Variants in PTPRA observed in about 807,000 individuals in gnomAD.
PTPRA encodes receptor-type tyrosine-protein phosphatase alpha.
PTPRA carries 25 observed loss-of-function variants against 104.8 expected under a neutral mutation model. That is an observed-to-expected ratio of 0.24 (90% confidence interval 0.17 to 0.33). The LOEUF (loss-of-function observed/expected upper bound fraction) is 0.33, where lower values mean the gene tolerates loss of function less well. PTPRA is among the 10% of genes least tolerant of loss of function. PTPRA has a pLI of 1.00. For synonymous variants in PTPRA, 323 were observed against 368.9 expected (o/e 0.88, Z 1.43); for missense variants, 765 against 1,015.3 (o/e 0.75, Z 3.35).
chr20:2,990,786 A>G (rs2063138759), intron 9 of PTPRA, among the ~76,000 whole-genome samples: 1 of 152,166 alleles, frequency 6.6e-6, no homozygotes, highest in South Asian at 2.1e-4. Flanking sequence ...ACCTCACAGA[A>G]TAGGAGGTCT....
chr20:2,994,980 A>C (rs998424844), intron 9 of PTPRA, among the ~76,000 whole-genome samples: 6 of 152,080 alleles, frequency 3.9e-5, no homozygotes, highest in Non-Finnish European at 8.8e-5. Context: ...AAATACAAAA[A>C]TTAGCCGGGC....
At chr20:3,032,623 G>A (rs914791113) in intron 20 of PTPRA, among the ~76,000 whole-genome samples, 2 of 151,890 alleles carry the variant, frequency 1.3e-5, no homozygotes, top group Non-Finnish European at 2.9e-5. Context: ...AAAATTAGCT[G>A]GGCGCGATGG....
Position 3,035,912 on chromosome 20 carries a change from A to G in PTPRA, c.2169A>G (p.Ser723=), listed in dbSNP as rs1254915023. ...CCGTGCAGAAGCAGCAGCAGCAGTC[A>G]GGGAACCACCCCATCACCGTGCACT... is the stretch of plus-strand genomic sequence containing the variant. ...IAAVQKQQQQ[S]GNHPITVHCS... Residue 723 remains serine (S), a synonymous_variant, in exon 22 of 24, where the codon TCA becomes TCG. Coordinates refer to ENST00000399903, the MANE Select transcript of PTPRA (RefSeq NM_001385305.1). This position sits in a 1 kb window ranked among gnomAD's most constrained non-coding sequence, Gnocchi z 5.8. The G allele has an allele frequency of 1.2e-6, 2 of 1,613,760 alleles. No individual in the cohort carries two copies. Among genetic ancestry groups the G allele is most frequent in the African/African-American group, 1.3e-5 (1 of 74,932 alleles).
At chr20:2,976,647 C>T (rs1600201040) in intron 6 of PTPRA, among the ~76,000 whole-genome samples, 1 of 152,218 alleles carries the variant, frequency 6.6e-6, no homozygotes, top group East Asian at 1.9e-4. Flanking sequence ...TCTCAGCAGT[C>T]TCTAAAGTCC....
At chr20:2,968,694 G>A (rs769248933) in intron 5 of PTPRA, among the ~76,000 whole-genome samples, 11 of 150,214 alleles carry the variant, frequency 7.3e-5, no homozygotes, top group Admixed American at 1.3e-4. Flanking sequence ...CAGGAGGATC[G>A]CTTAAGCCCG....
intron 3 of PTPRA, among the ~76,000 whole-genome samples, chr20:2,957,905 G>A (rs545036353): frequency 1.1e-4 from 16 of 152,232 alleles, no homozygotes; most frequent in South Asian, 1.0e-3. Flanking sequence ...CCACTGAAGC[G>A]GAAATAGTGA....
At chr20:3,025,936 A>G (rs1025822026) in intron 17 of PTPRA, among the ~76,000 whole-genome samples, 4 of 149,260 alleles carry the variant, frequency 2.7e-5, no homozygotes, top group African/African-American at 9.8e-5. Context: ...GAGATTCTGC[A>G]TTTCTTTTTT....
intron 1 of PTPRA, among the ~76,000 whole-genome samples, chr20:2,902,952 A>G (rs1344884650): frequency 6.6e-6 from 1 of 152,160 alleles, no homozygotes; most frequent in Non-Finnish European, 1.5e-5. Context: ...TTCAAATCCC[A>G]TCTCTGCTAC....
chr20:2,896,739 T>G (rs73084683), intron 1 of PTPRA, among the ~76,000 whole-genome samples: 3 of 152,128 alleles, frequency 2.0e-5, no homozygotes, highest in African/African-American at 7.2e-5. Flanking sequence ...ATTATGTCTT[T>G]TATAGCAAAA....
At chr20:3,010,744 C>T (rs1168742516) in intron 11 of PTPRA, among the ~76,000 whole-genome samples, 1 of 152,226 alleles carries the variant, frequency 6.6e-6, no homozygotes, top group Non-Finnish European at 1.5e-5. Context: ...ACGGAATCCT[C>T]CCCACCACCC....
chr20:2,926,477 T>A (rs947319529), intron 2 of PTPRA, among the ~76,000 whole-genome samples: 7 of 152,162 alleles, frequency 4.6e-5, no homozygotes, highest in Non-Finnish European at 7.3e-5. Context: ...AGTGCGCTAG[T>A]CATTGGATTA....
chr20:2,953,141 A>G (rs1038701757), intron 3 of PTPRA, among the ~76,000 whole-genome samples: 1 of 152,200 alleles, frequency 6.6e-6, no homozygotes, highest in African/African-American at 2.4e-5. Flanking sequence ...TGATTTCTAT[A>G]GTAGTGGTAC....
chr20:2,991,266 G>C (rs895067253), intron 9 of PTPRA, among the ~76,000 whole-genome samples: 6 of 152,034 alleles, frequency 3.9e-5, no homozygotes, highest in Non-Finnish European at 7.4e-5. Flanking sequence ...GTCTGAGGCT[G>C]AGGCAGGAGA....
intron 3 of PTPRA, among the ~76,000 whole-genome samples, chr20:2,952,801 A>G (rs1251024729): frequency 6.6e-6 from 1 of 152,168 alleles, no homozygotes; most frequent in Non-Finnish European, 1.5e-5. Flanking sequence ...TACTTCATAT[A>G]AGTGGAGTCA....
chr20:2,969,670 TG>T (rs2062092986), intron 5 of PTPRA, among the ~76,000 whole-genome samples: 1 of 374 alleles, frequency 2.7e-3, no homozygotes, highest in African/African-American at 0.012. Context: ...CTGGCTAACA[TG>T]GTGTAAATAA....
chr20:2,885,424 G>A (rs1270673569), intron 1 of PTPRA, among the ~76,000 whole-genome samples: 1 of 152,156 alleles, frequency 6.6e-6, no homozygotes, highest in Non-Finnish European at 1.5e-5. Context: ...ATCTAATGAA[G>A]TAAAGAATCT....
In PTPRA at chr20:3,022,349, A is replaced by G; in HGVS notation, c.1328+129A>G. The G allele has an allele frequency of 8.2e-7, 1 of 1,215,226 alleles. No individual in the cohort carries two copies. Among genetic ancestry groups the G allele is most frequent in the Non-Finnish European group, 1.2e-6 (1 of 866,626 alleles). The allele number at this position is 1,215,226 out of a possible 1,614,324, so 75.3% of individuals were successfully genotyped here. ...AGATGACCTACTGGGGCACCAGCGC[A>G]ACAGCCAGAGACTCCAAGTTCTAGT... On this transcript the variant is annotated intron_variant, in intron 15 of 23. Transcript: ENST00000399903. This position sits in a 1 kb window ranked among gnomAD's most constrained non-coding sequence, Gnocchi z 4.6.
chr20:2,884,793 GGTTTTTTTT>G (rs1162609152), intron 1 of PTPRA, among the ~76,000 whole-genome samples: 3 of 145,512 alleles, frequency 2.1e-5, no homozygotes, highest in Non-Finnish European at 4.4e-5. Flanking sequence ...GTAACTCTCT[GGTTTTTTTT>G]GTTTTTTTTG....
intron 1 of PTPRA, among the ~76,000 whole-genome samples, chr20:2,912,456 T>C (rs2059757127): frequency 6.6e-6 from 1 of 152,134 alleles, no homozygotes; most frequent in Non-Finnish European, 1.5e-5. Flanking sequence ...AAACTCCGTC[T>C]CTACAAAAAA....
Sources: allele counts gnomAD v4.1 joint callset (sites outside exome capture counted in the v4.1 genomes callset), GRCh38; gene constraint gnomAD v4.1.1; non-coding constraint Gnocchi (gnomAD v3.1); transcripts MANE v1.5; gene names NCBI Gene and HGNC (gene_info 2026-07-23, HGNC 2026-07-21).